The following COL28A1 variants were observed in gnomAD, a reference collection of about 807,000 sequenced individuals.
The protein encoded by COL28A1 is collagen type XXVIII alpha 1 chain.
COL28A1 carries 161 observed loss-of-function variants against 150.2 expected under a neutral mutation model. That is an observed-to-expected ratio of 1.07 (90% CI 0.94 to 1.22). The LOEUF (loss-of-function observed/expected upper bound fraction) is 1.22. Among genes scored for constraint, COL28A1 ranks in the 50% most tolerant of loss-of-function variants. COL28A1 has a pLI of 0.00. For synonymous variants in COL28A1, 552 were observed against 469.7 expected (o/e 1.18, Z -2.26); for missense variants, 1,617 against 1,388.3 (o/e 1.16, Z -2.62).
intron 25 of COL28A1, among the ~76,000 whole-genome samples, chr7:7,432,054 G>A (rs1440851326): frequency 6.6e-6 from 1 of 152,166 alleles, no homozygotes; most frequent in Non-Finnish European, 1.5e-5. Context: ...AGCCCAAGAG[G>A]GGATACATGG....
At chr7:7,347,644 G>A in the COL28A1 span, among the ~76,000 whole-genome samples, 1 of 152,038 alleles carries the variant, frequency 6.6e-6, no homozygotes, top group East Asian at 1.9e-4. Flanking sequence ...AGCCATTTCT[G>A]GGGCAAAGAT....
intron 20 of COL28A1, among the ~76,000 whole-genome samples, chr7:7,441,359 G>A (rs1363033917): frequency 1.3e-5 from 2 of 151,970 alleles, no homozygotes; most frequent in South Asian, 4.2e-4. Context: ...GAAGATGCTT[G>A]AGCATTAACC....
Position 7,526,925 on chromosome 7 carries a change from G to A in COL28A1, c.682-2676C>T, listed in dbSNP as rs117108577. Among the ~76,000 whole-genome samples the A allele has an allele frequency of 3.5e-3, 531 of 152,202 alleles. 6 individuals are homozygous for A. The highest frequency in any genetic ancestry group is 0.014 in the East Asian group (70 of 5,184). On this transcript the variant is annotated intron_variant, in intron 3 of 34. Coordinates refer to ENST00000399429, the MANE Select transcript of COL28A1 (RefSeq NM_001037763.3). ...GCTGGGATTACAGGTGTGAGCCACC[G>A]CACCTAGCCACAATAAGCAATATCT...
chr7:7,408,965 G>C (rs1189184789), intron 27 of COL28A1, among the ~76,000 whole-genome samples: 26 of 152,184 alleles, frequency 1.7e-4, no homozygotes, highest in Non-Finnish European at 5.9e-5. Context: ...ACTTCAAGTA[G>C]GTCGTGTGAA....
At chr7:7,363,784 G>A (rs1659100301) in intron 33 of COL28A1, among the ~76,000 whole-genome samples, 2 of 151,760 alleles carry the variant, frequency 1.3e-5, no homozygotes, top group Admixed American at 6.6e-5. Context: ...ATTTCACCAT[G>A]ACTCTATAAC....
intron 14 of COL28A1, among the ~76,000 whole-genome samples, chr7:7,475,095 A>C (rs1788752426): frequency 6.6e-6 from 1 of 152,162 alleles, no homozygotes; most frequent in South Asian, 2.1e-4. Flanking sequence ...ACTTGCTAGG[A>C]TTAGATTATT....
the COL28A1 span, among the ~76,000 whole-genome samples, chr7:7,342,438 G>C: frequency 6.6e-6 from 1 of 151,938 alleles, no homozygotes; most frequent in African/African-American, 2.4e-5. Context: ...ATATAATTAT[G>C]AATACGTTTT....
chr7:7,420,684 C>T (rs1784348285), intron 25 of COL28A1, among the ~76,000 whole-genome samples: 1 of 152,230 alleles, frequency 6.6e-6, no homozygotes, highest in Admixed American at 6.5e-5. Context: ...AAATTCATCA[C>T]ATATGTAGAA....
chr7:7,436,024 T>C (rs1785315025), intron 23 of COL28A1, among the ~76,000 whole-genome samples: 1 of 152,240 alleles, frequency 6.6e-6, no homozygotes, highest in Non-Finnish European at 1.5e-5. Context: ...CAGGAAATTT[T>C]TATTCAGCAA....
chr7:7,438,657 A>C (rs1785525212), intron 21 of COL28A1, among the ~76,000 whole-genome samples: 1 of 149,112 alleles, frequency 6.7e-6, no homozygotes. Context: ...CATCAATTAA[A>C]ATTTCATTTA....
chr7:7,355,720 T>C (rs1780333956), downstream of COL28A1, among the ~76,000 whole-genome samples: 1 of 152,222 alleles, frequency 6.6e-6, no homozygotes, highest in South Asian at 2.1e-4. Context: ...AACTTTTATA[T>C]GCAACTGGTG....
chr7:7,402,273 G>A (rs974696429), intron 27 of COL28A1, among the ~76,000 whole-genome samples: 1 of 152,142 alleles, frequency 6.6e-6, no homozygotes, highest in Non-Finnish European at 1.5e-5. Context: ...TCCCGTCAAG[G>A]CTTGTTGCAA....
intron 33 of COL28A1, among the ~76,000 whole-genome samples, chr7:7,369,890 A>T (rs894067939): frequency 6.6e-5 from 10 of 152,298 alleles, no homozygotes; most frequent in African/African-American, 2.4e-4. Context: ...AGCTTACAGA[A>T]CAGGGGCATG....
At chr7:7,414,112 C>G (rs577572029) in intron 27 of COL28A1, among the ~76,000 whole-genome samples, 10 of 152,270 alleles carry the variant, frequency 6.6e-5, no homozygotes, top group African/African-American at 2.2e-4. Context: ...TGTCTCCGTG[C>G]TTTTTAACCT....
chr7:7,405,639 T>C (rs1422725662), intron 27 of COL28A1, among the ~76,000 whole-genome samples: 1 of 152,216 alleles, frequency 6.6e-6, no homozygotes, highest in Non-Finnish European at 1.5e-5. Context: ...GACTACTCTC[T>C]AAATGTCATC....
chr7:7,509,144 T>C (rs113094799), intron 9 of COL28A1, among the ~76,000 whole-genome samples: 2,960 of 152,082 alleles, frequency 0.019, 111 homozygotes, highest in African/African-American at 0.066. Context: ...TATTTTGTTT[T>C]TTTTGAGACA....
intron 21 of COL28A1, among the ~76,000 whole-genome samples, chr7:7,438,670 T>G (rs1276410531): frequency 4.1e-5 from 6 of 144,844 alleles, no homozygotes; most frequent in African/African-American, 1.6e-4. Flanking sequence ...TTCATTTATA[T>G]AAATTCATAA....
At chr7:7,445,843 A>T (rs1330563218) in intron 18 of COL28A1, among the ~76,000 whole-genome samples, 1 of 151,856 alleles carries the variant, frequency 6.6e-6, no homozygotes. Context: ...AAAAGTAAGA[A>T]GATTCATAAA....
chr7:7,440,211 A>G (rs990920531), intron 21 of COL28A1, among the ~76,000 whole-genome samples: 4 of 152,260 alleles, frequency 2.6e-5, no homozygotes, highest in South Asian at 2.1e-4. Context: ...CCATTTCACC[A>G]TATTGATTTT....
Sources: gnomAD v4.1 joint callset for allele counts (sites outside exome capture counted in the v4.1 genomes callset) on GRCh38, gnomAD v4.1.1 for gene constraint, MANE v1.5 for transcripts, NCBI Gene and HGNC (gene_info 2026-07-23, HGNC 2026-07-21) for gene names.